DMGDH: variants seen among roughly 807,000 people sequenced by gnomAD.
DMGDH encodes the protein dimethylglycine dehydrogenase.
Under a neutral mutation model 95.2 loss-of-function variants are expected in DMGDH, and 76 were observed. The ratio of observed to expected loss-of-function variants is 0.80; its 90% CI spans 0.66 to 0.97. The LOEUF is 0.97. DMGDH is among the 50% of genes least tolerant of loss of function. The pLI, the probability that DMGDH is intolerant of heterozygous loss-of-function variation, is 0.00. For synonymous variants in DMGDH, 345 were observed against 377.6 expected (o/e 0.91, Z 1.00); for missense variants, 987 against 1,055.0 (o/e 0.94, Z 0.89).
In DMGDH at chr5:79,005,390, T is replaced by C. The variant is rs1753527603; in HGVS notation, c.2268A>G (p.Gly756=). Residue 756 remains glycine, a synonymous_variant, in exon 15 of 16, where the codon GGA becomes GGG. Transcript: ENST00000255189. ...VKLNKPADFI[G]KQALKQIKAK... ...CTTTAATCTGTTTCAGTGCTTGCTTTCCTATGAAGTCTGCTGGCTGCAGGA... is the reference window on the plus strand; with the variant it reads ...CTTTAATCTGTTTCAGTGCTTGCTTCCCTATGAAGTCTGCTGGCTGCAGGA... The C allele has an allele frequency of 3.7e-6, 6 of 1,614,030 alleles. No individual in the cohort carries two copies. Among genetic ancestry groups the C allele is most frequent in the Non-Finnish European group, 5.1e-6 (6 of 1,180,034 alleles).
intron 14 of DMGDH, among the ~76,000 whole-genome samples, chr5:79,019,883 T>G (rs1753823255): frequency 6.6e-6 from 1 of 152,068 alleles, no homozygotes; most frequent in Admixed American, 6.6e-5. Flanking sequence ...AGACTCCGTC[T>G]CAATAAAAAT....
chr5:79,032,119 A>G (rs1014341483), intron 9 of DMGDH, among the ~76,000 whole-genome samples: 15 of 152,244 alleles, frequency 9.9e-5, no homozygotes, highest in African/African-American at 3.6e-4. Flanking sequence ...AATCCAAAGT[A>G]CAACAATGGC....
intron 5 of DMGDH, among the ~76,000 whole-genome samples, chr5:79,045,520 G>T (rs188130424): frequency 1.6e-4 from 24 of 152,176 alleles, no homozygotes; most frequent in Admixed American, 5.2e-4. Flanking sequence ...ACATCTTATT[G>T]GTTTTTCTTG....
At chr5:79,066,172 T>G (rs1755373719) in intron 1 of DMGDH, among the ~76,000 whole-genome samples, 1 of 152,240 alleles carries the variant, frequency 6.6e-6, no homozygotes, top group Non-Finnish European at 1.5e-5. Context: ...TTTTTTCCAG[T>G]CAGAGATCAA....
At position 79,006,079 on chromosome 5, in the gene DMGDH, C is replaced by A. The variant is rs1171824762; in HGVS notation, c.2251-672G>T. Among the ~76,000 whole-genome samples, 4 of 148,818 alleles carry A rather than the reference C, an allele frequency of 2.7e-5. No individual in the cohort carries two copies. In the South Asian group the frequency reaches 8.5e-4, roughly 32 times the overall value. ...TTTTTTTTTTTTTACTTCTTCCGTG[C>A]AACACATGACAGATGACATTCCTAT... On this transcript the variant is annotated intron_variant, in intron 14 of 15. Coordinates refer to ENST00000255189, the MANE Select transcript of DMGDH (RefSeq NM_013391.3).
chr5:79,006,215 CAAA>C (rs56141633), intron 14 of DMGDH, among the ~76,000 whole-genome samples: 14 of 127,778 alleles, frequency 1.1e-4, no homozygotes, highest in Admixed American at 3.0e-4. Flanking sequence ...TTATGTGTTA[CAAA>C]AAAAAAAAAA....
chr5:79,001,375 C>A (rs1306838403), intron 15 of DMGDH, among the ~76,000 whole-genome samples: 1 of 152,194 alleles, frequency 6.6e-6, no homozygotes, highest in Non-Finnish European at 1.5e-5. Context: ...GTTGGCCAGG[C>A]TGGTCTCGAA....
rs6880428 is a variant in DMGDH, at chr5:79,051,535, T to C, written c.541-44A>G. The C allele has an allele frequency of 3.7e-4, 566 of 1,526,920 alleles. 3 individuals are homozygous for C. The African/African-American group carries it at 7.2e-3, about 19-fold the overall frequency. The allele number at this position is 1,526,920 out of a possible 1,614,324, so 94.6% of individuals were successfully genotyped here. ...AGTCAATACTCAAATATATATATAC[T>C]TATTACTCAGTAAAAATATATCCTG... is the stretch of plus-strand genomic sequence containing the variant. On this transcript the variant is annotated intron_variant, in intron 4 of 15. Coordinates refer to ENST00000255189, the MANE Select transcript of DMGDH (RefSeq NM_013391.3).
At chr5:79,044,064 G>A (rs1420184184) in intron 6 of DMGDH, among the ~76,000 whole-genome samples, 1 of 152,220 alleles carries the variant, frequency 6.6e-6, no homozygotes, top group African/African-American at 2.4e-5. Flanking sequence ...TTTCAAAGCA[G>A]CTGGAAATGT....
intron 14 of DMGDH, among the ~76,000 whole-genome samples, chr5:79,019,592 A>C (rs1012594715): frequency 1.3e-5 from 2 of 152,144 alleles, no homozygotes; most frequent in East Asian, 1.9e-4. Context: ...GCTTATTAGA[A>C]TAGATTGTTG....
At chr5:79,000,281 T>A in intron 15 of DMGDH, 2 of 658,022 alleles carry the variant, frequency 3.0e-6, no homozygotes, top group Non-Finnish European at 5.8e-6. Flanking sequence ...AAAATCTCCA[T>A]GAGATGAAGA....
intron 14 of DMGDH, chr5:79,020,532 AG>A (rs1753837925): frequency 2.9e-6 from 1 of 345,866 alleles, no homozygotes; most frequent in Non-Finnish European, 4.1e-6. Flanking sequence ...GGGGTGTGGA[AG>A]GCTTGGTACT....
At chr5:79,046,151 A>T (rs1171013526) in intron 5 of DMGDH, among the ~76,000 whole-genome samples, 2 of 152,056 alleles carry the variant, frequency 1.3e-5, no homozygotes, top group African/African-American at 4.8e-5. Context: ...CAGTGGCACG[A>T]TCTTGGCTCA....
chr5:79,018,012 T>G (rs1753771713), intron 14 of DMGDH, among the ~76,000 whole-genome samples: 5 of 152,232 alleles, frequency 3.3e-5, no homozygotes, highest in South Asian at 2.1e-4. Flanking sequence ...AATTGTAGTA[T>G]ATCCATACAA....
intron 14 of DMGDH, among the ~76,000 whole-genome samples, chr5:79,017,991 G>A (rs1753771034): frequency 6.6e-6 from 1 of 152,156 alleles, no homozygotes; most frequent in African/African-American, 2.4e-5. Flanking sequence ...CAATGAGTGA[G>A]TACACAAACA....
At chr5:79,003,799 T>G (rs1753496228) in intron 15 of DMGDH, among the ~76,000 whole-genome samples, 1 of 151,782 alleles carries the variant, frequency 6.6e-6, no homozygotes, top group Non-Finnish European at 1.5e-5. Flanking sequence ...ATACAAAAAT[T>G]AGCCAAGCAT....
intron 14 of DMGDH, chr5:79,021,241 G>T: frequency 9.9e-7 from 1 of 1,014,382 alleles, no homozygotes; most frequent in Non-Finnish European, 1.2e-6. Context: ...ACTTGCGGAA[G>T]GGTTATCTTC....
chr5:79,044,374 C>A lies in DMGDH; in HGVS notation c.924G>T (p.Leu308Phe), dbSNP rs983428440. 4 of 1,614,044 alleles carry A rather than the reference C, an allele frequency of 2.5e-6. No homozygotes were observed. In the Admixed American group the frequency reaches 5.0e-5, roughly 20 times the overall value. Residue 308 changes from leucine to phenylalanine, a missense_variant, in exon 6 of 16, where the codon TTG (leucine) becomes TTT (phenylalanine). Coordinates refer to ENST00000255189, the MANE Select transcript of DMGDH (RefSeq NM_013391.3). ...YYLRQERDGL[L>F]FGPYESQEKM... is the part of the protein sequence containing the mutation. The stretch of plus-strand genomic sequence containing the variant: ...TCTCTTGACTTTCATATGGACCAAA[C>A]AAAAGCCCATCCCTTTCCTGTCGGA...
intron 14 of DMGDH, chr5:79,021,573 T>C: frequency 7.7e-7 from 1 of 1,296,014 alleles, no homozygotes. Flanking sequence ...TTTTCCCTAC[T>C]TGCTGACAGG....
Sources: allele counts gnomAD v4.1 joint callset (sites outside exome capture counted in the v4.1 genomes callset), GRCh38; gene constraint gnomAD v4.1.1; transcripts MANE v1.5; gene names NCBI Gene and HGNC (gene_info 2026-07-23, HGNC 2026-07-21).